The following DIP2C variants were observed in gnomAD, a reference collection of about 807,000 sequenced individuals.
DIP2C encodes the protein disco-interacting protein 2 homolog C.
DIP2C carries 33 observed loss-of-function variants against 192.4 expected under a neutral mutation model. The ratio of observed to expected loss-of-function variants is 0.17; its 90% CI spans 0.13 to 0.23. The LOEUF (loss-of-function observed/expected upper bound fraction) is 0.23, where lower values mean the gene tolerates loss of function less well. Among genes scored for constraint, DIP2C ranks in the 10% least tolerant of loss-of-function variants. DIP2C has a pLI of 1.00. For synonymous variants in DIP2C, 979 were observed against 864.1 expected, an observed-to-expected ratio of 1.13 and a Z score of -2.33; for missense variants, 1,537 against 2,110.1, an observed-to-expected ratio of 0.73 and a Z score of 5.32.
intron 1 of DIP2C, among the ~76,000 whole-genome samples, chr10:577,763 G>A (rs1850260773): frequency 6.6e-6 from 1 of 151,976 alleles, no homozygotes; most frequent in Admixed American, 6.6e-5. Context: ...AACCTAGTAA[G>A]AGGAACTTGG....
At chr10:673,000 C>T (rs539464436) in intron 1 of DIP2C, among the ~76,000 whole-genome samples, 2 of 152,306 alleles carry the variant, frequency 1.3e-5, no homozygotes, top group Non-Finnish European at 2.9e-5. Flanking sequence ...ATGTAAAGTT[C>T]TAAAGGTTCC....
chr10:440,013 C>G (rs776352144), intron 4 of DIP2C, among the ~76,000 whole-genome samples: 1 of 152,156 alleles, frequency 6.6e-6, no homozygotes, highest in African/African-American at 2.4e-5. Flanking sequence ...ATCAAAATCA[C>G]AGAAACTAAA....
At chr10:609,037 T>C (rs1323231082) in intron 1 of DIP2C, among the ~76,000 whole-genome samples, 2 of 152,110 alleles carry the variant, frequency 1.3e-5, no homozygotes, top group Non-Finnish European at 2.9e-5. Context: ...GTCATCACTT[T>C]ACCAGTATAG....
At chr10:336,718 T>TA (rs538687795) in intron 29 of DIP2C, among the ~76,000 whole-genome samples, 129 of 152,268 alleles carry the variant, frequency 8.5e-4, no homozygotes, top group African/African-American at 2.9e-3. Flanking sequence ...ATTGTTATCC[T>TA]AGGAGATCAT....
intron 1 of DIP2C, among the ~76,000 whole-genome samples, chr10:600,899 G>T (rs952137979): frequency 8.3e-6 from 1 of 120,296 alleles, no homozygotes; most frequent in African/African-American, 4.4e-5. Context: ...TAATTAAGTT[G>T]AACTTAGGTT....
At chr10:624,879 G>C (rs951667519) in intron 1 of DIP2C, among the ~76,000 whole-genome samples, 4 of 152,136 alleles carry the variant, frequency 2.6e-5, no homozygotes, top group Admixed American at 6.5e-5. Context: ...AGAACCCGGG[G>C]GGGGAGCCGC....
chr10:578,418 A>G (rs558549537), intron 1 of DIP2C, among the ~76,000 whole-genome samples: 6 of 152,196 alleles, frequency 3.9e-5, no homozygotes, highest in Non-Finnish European at 5.9e-5. Flanking sequence ...GACAGCTGCT[A>G]TATTAGTTCT....
Position 656,317 on chromosome 10 carries a change from T to C in DIP2C, c.85+33177A>G, listed in dbSNP as rs563009573. Among the ~76,000 whole-genome samples, 28 of 151,778 alleles carry C rather than the reference T, an allele frequency of 1.8e-4. 1 individual carries two copies. The South Asian group carries it at 2.9e-3, about 16-fold the overall frequency. Reference sequence around the variant, plus strand: ...ATGTTACACTGTTTCTTCTACTCTATGCTACCTTATCGAACACTCTACTAT... The same window carrying C: ...ATGTTACACTGTTTCTTCTACTCTACGCTACCTTATCGAACACTCTACTAT... On this transcript the variant is annotated intron_variant, in intron 1 of 36. Transcript: ENST00000280886.
At chr10:372,294 C>T (rs1564628386) in intron 17 of DIP2C, among the ~76,000 whole-genome samples, 1 of 152,140 alleles carries the variant, frequency 6.6e-6, no homozygotes, top group Non-Finnish European at 1.5e-5. Context: ...AGGCTGGCCT[C>T]GAACTCCTGA....
intron 1 of DIP2C, among the ~76,000 whole-genome samples, chr10:552,879 C>A (rs1259224955): frequency 6.6e-6 from 1 of 152,238 alleles, no homozygotes; most frequent in Non-Finnish European, 1.5e-5. Context: ...CCATGTCTGC[C>A]CTGGCTCCCG....
chr10:445,166 G>A (rs191806013), intron 3 of DIP2C, among the ~76,000 whole-genome samples: 1 of 152,354 alleles, frequency 6.6e-6, no homozygotes, highest in East Asian at 1.9e-4. Context: ...CCTTTCATGG[G>A]ACCACTGGGC....
chr10:615,782 G>A (rs61833002), intron 1 of DIP2C, among the ~76,000 whole-genome samples: 4,729 of 152,142 alleles, frequency 0.031, 139 homozygotes, highest in African/African-American at 0.074. Flanking sequence ...TAAAATCTGC[G>A]TCTCATGCGT....
chr10:394,856 A>AC (rs1373700841), intron 10 of DIP2C, among the ~76,000 whole-genome samples: 9 of 147,978 alleles, frequency 6.1e-5, no homozygotes, highest in African/African-American at 2.0e-4. Context: ...GAAGGACATT[A>AC]CCTCACACAG....
At chr10:650,417 G>A (rs777808852) in intron 1 of DIP2C, 45 of 713,894 alleles carry the variant, frequency 6.3e-5, no homozygotes, top group South Asian at 4.0e-4. Flanking sequence ...CGAGAAGAAC[G>A]CAGGCCGACA....
intron 1 of DIP2C, among the ~76,000 whole-genome samples, chr10:615,737 C>G: frequency 6.6e-6 from 1 of 152,170 alleles, no homozygotes; most frequent in Non-Finnish European, 1.5e-5. Flanking sequence ...ACTTGGAAGA[C>G]AGCCACTCCC....
chr10:351,163 G>A (rs1049891794), intron 24 of DIP2C, among the ~76,000 whole-genome samples: 4 of 152,226 alleles, frequency 2.6e-5, no homozygotes, highest in Non-Finnish European at 5.9e-5. Flanking sequence ...GGGTAGCCGA[G>A]TTAGTGCAAC....
intron 31 of DIP2C, among the ~76,000 whole-genome samples, chr10:320,799 G>T (rs1445942739): frequency 6.6e-6 from 1 of 152,168 alleles, no homozygotes; most frequent in African/African-American, 2.4e-5. Context: ...CTGTAAAACA[G>T]CTACTCACAG....
intron 1 of DIP2C, among the ~76,000 whole-genome samples, chr10:621,044 C>T (rs1210049732): frequency 1.3e-5 from 2 of 152,144 alleles, no homozygotes; most frequent in African/African-American, 2.4e-5. Context: ...TGAGGAGGCC[C>T]AAGTACCTGG....
At chr10:603,140 CAG>C (rs1206183225) in intron 1 of DIP2C, among the ~76,000 whole-genome samples, 8 of 151,732 alleles carry the variant, frequency 5.3e-5, no homozygotes, top group Non-Finnish European at 1.0e-4. Context: ...ATAAAGTCTG[CAG>C]AGTTTTCATA....
Sources: gnomAD v4.1 joint callset for allele counts (sites outside exome capture counted in the v4.1 genomes callset) on GRCh38, gnomAD v4.1.1 for gene constraint, MANE v1.5 for transcripts, NCBI Gene and HGNC (gene_info 2026-07-23, HGNC 2026-07-21) for gene names.